The following GSE1 variants were observed in gnomAD, a reference collection of about 807,000 sequenced individuals.
The protein encoded by GSE1 is genetic suppressor element 1.
GSE1 carries 32 observed loss-of-function variants against 112.6 expected under a neutral mutation model. The ratio of observed to expected loss-of-function variants is 0.28; its 90% CI spans 0.21 to 0.38. GSE1 has a LOEUF of 0.38. Among genes scored for constraint, GSE1 ranks in the 10% least tolerant of loss-of-function variants. GSE1 has a pLI of 1.00. For missense variants in GSE1, 2,348 were observed against 1,699.2 expected (o/e 1.38, Z -6.71); for synonymous variants, 1,115 against 735.6 (o/e 1.52, Z -8.35).
At chr16:85,671,968 G>T in intron 15 of GSE1, 1 of 174,308 alleles carries the variant, frequency 5.7e-6, no homozygotes, top group South Asian at 1.1e-4. Context: ...GACTCTGGAA[G>T]AGCCAGGGAC....
At chr16:85,271,528 C>T (rs34234177) in intron 1 of GSE1, among the ~76,000 whole-genome samples, 13,223 of 152,246 alleles carry the variant, frequency 0.087, 688 homozygotes, top group East Asian at 0.26. Flanking sequence ...CCCCAAAGCC[C>T]GAATCATCTG....
At position 85,331,355 on chromosome 16, in the gene GSE1, G is replaced by GTATATATATATATA. The variant is rs1467067903; in HGVS notation, c.2284-26107_2284-26106insATATATATATATAT. On this transcript the variant is annotated intron_variant, in intron 1 of 2. Transcript: ENST00000637419. ...TGTGTGTGTGTGTGTGTGTGTGTGT[G>GTATATATATATATA]TGTGTGTGTGTATATATGTATATAT... is the stretch of plus-strand genomic sequence containing the variant. 4.9e-4 allele frequency among the ~76,000 whole-genome samples: 28 copies of GTATATATATATATA among 57,368 alleles called. 4 individuals carry two copies. The highest frequency in any genetic ancestry group is 1.3e-3 in the African/African-American group (26 of 19,620). 37.6% of individuals were successfully genotyped at this position (57,368 alleles called of 152,430 possible).
intron 2 of GSE1, among the ~76,000 whole-genome samples, chr16:85,428,640 C>A (rs1016899761): frequency 1.3e-5 from 2 of 152,168 alleles, no homozygotes; most frequent in African/African-American, 4.8e-5. Context: ...CCCCTGAGGG[C>A]GGTCCTCTGA....
chr16:85,297,927 G>A (rs184682716), intron 1 of GSE1, among the ~76,000 whole-genome samples: 61 of 152,288 alleles, frequency 4.0e-4, no homozygotes, highest in African/African-American at 1.3e-3. Flanking sequence ...TAGTCCCTGC[G>A]TTCCATATGC....
intron 1 of GSE1, among the ~76,000 whole-genome samples, chr16:85,340,017 C>G (rs1032207911): frequency 6.6e-6 from 1 of 152,222 alleles, no homozygotes; most frequent in Non-Finnish European, 1.5e-5. Flanking sequence ...CCTCTCTCAG[C>G]ACAGCTTTGA....
chr16:85,242,880 T>A (rs1303460102), intron 1 of GSE1, among the ~76,000 whole-genome samples: 2 of 152,208 alleles, frequency 1.3e-5, no homozygotes, highest in African/African-American at 4.8e-5. Context: ...AGTGTGATCA[T>A]GGCTCACTGC....
At chr16:85,356,392 G>T (rs7193776) in intron 1 of GSE1, among the ~76,000 whole-genome samples, 63,887 of 152,202 alleles carry the variant, frequency 0.42, 13,944 homozygotes, top group East Asian at 0.57. Flanking sequence ...AGCACCCGGG[G>T]AGGGACACGG....
At position 85,272,310 on chromosome 16, in the gene GSE1, C is replaced by T. The variant is rs150011985; in HGVS notation, c.2284-85153C>T. Among the ~76,000 whole-genome samples, 1,131 of 152,380 alleles carry T rather than the reference C, an allele frequency of 7.4e-3. 10 individuals are homozygous for T. Among genetic ancestry groups the T allele is most frequent in the African/African-American group, 0.026 (1,074 of 41,582 alleles). The stretch of plus-strand genomic sequence containing the variant: ...CGTTTTTCCATGTCTGAAGGAGCCT[C>T]AGGCCCGCAGAGGTGTCGGGGCCTT... On this transcript the variant is annotated intron_variant, in intron 1 of 2. Transcript: ENST00000637419.
At chr16:85,418,952 C>T (rs1311608434) in intron 2 of GSE1, among the ~76,000 whole-genome samples, 1 of 152,128 alleles carries the variant, frequency 6.6e-6, no homozygotes, top group African/African-American at 2.4e-5. Context: ...TTAGTGTTGC[C>T]AGGAGGAGCA....
At chr16:85,227,891 G>A (rs2075516300) in intron 1 of GSE1, among the ~76,000 whole-genome samples, 2 of 152,210 alleles carry the variant, frequency 1.3e-5, no homozygotes, top group African/African-American at 4.8e-5. Context: ...CTACCTTCAC[G>A]GGGCTCACAC....
At chr16:85,600,007 C>A (rs535890499) in intron 1 of GSE1, among the ~76,000 whole-genome samples, 3 of 152,282 alleles carry the variant, frequency 2.0e-5, no homozygotes, top group Non-Finnish European at 4.4e-5. Flanking sequence ...AAGGTCCCTC[C>A]TGTGTGAGCC....
chr16:85,599,692 C>T (rs1416935727), intron 1 of GSE1, among the ~76,000 whole-genome samples: 1 of 152,210 alleles, frequency 6.6e-6, no homozygotes, highest in Non-Finnish European at 1.5e-5. Flanking sequence ...AGACATTTAT[C>T]ACAGGCCCTA....
intron 1 of GSE1, among the ~76,000 whole-genome samples, chr16:85,330,887 G>C (rs2046325609): frequency 6.6e-6 from 1 of 152,104 alleles, no homozygotes; most frequent in African/African-American, 2.4e-5. Context: ...CTGGAAGTCT[G>C]CTGCTGTGTG....
chr16:85,440,144 C>G (rs1314568111), intron 2 of GSE1, among the ~76,000 whole-genome samples: 1 of 152,178 alleles, frequency 6.6e-6, no homozygotes, highest in Non-Finnish European at 1.5e-5. Flanking sequence ...AAATGTTTGT[C>G]GAGTCAGTGA....
intron 2 of GSE1, among the ~76,000 whole-genome samples, chr16:85,484,563 T>C (rs1248718282): frequency 6.6e-6 from 1 of 152,172 alleles, no homozygotes; most frequent in African/African-American, 2.4e-5. Context: ...GGGGCCACCA[T>C]TGGTGCTTCA....
chr16:85,540,019 C>G (rs1395732948), intron 2 of GSE1, among the ~76,000 whole-genome samples: 1 of 152,184 alleles, frequency 6.6e-6, no homozygotes, highest in East Asian at 1.9e-4. Flanking sequence ...TCGAAGTCAG[C>G]AGGGTTGTTG....
chr16:85,468,234 G>T lies in GSE1; in HGVS notation c.2464+110591G>T, dbSNP rs541072455. Among the ~76,000 whole-genome samples, 3 of 151,938 alleles carry T rather than the reference G, an allele frequency of 2.0e-5. No individual in the cohort carries two copies. In the East Asian group the frequency reaches 5.8e-4, roughly 29 times the overall value. ...GGAATATTCGAGAACCTTGGGCAAGGTATGAAGCTCTCAGAGCCTCAGCCT... is the reference window on the plus strand; with the variant it reads ...GGAATATTCGAGAACCTTGGGCAAGTTATGAAGCTCTCAGAGCCTCAGCCT... On this transcript the variant is annotated intron_variant, in intron 2 of 2. Transcript: ENST00000637419.
chr16:85,417,635 G>A (rs374408164), intron 2 of GSE1, among the ~76,000 whole-genome samples: 1 of 152,362 alleles, frequency 6.6e-6, no homozygotes, highest in Non-Finnish European at 1.5e-5. Context: ...GCTGCCAGAT[G>A]TCCCTGGGTA....
chr16:85,298,170 G>A (rs1269884287), intron 1 of GSE1, among the ~76,000 whole-genome samples: 1 of 152,208 alleles, frequency 6.6e-6, no homozygotes, highest in Non-Finnish European at 1.5e-5. Context: ...GGTGGGGCCT[G>A]GGACTCTGTA....
Sources: allele counts gnomAD v4.1 joint callset (sites outside exome capture counted in the v4.1 genomes callset), GRCh38; gene constraint gnomAD v4.1.1; transcripts MANE v1.5; gene names NCBI Gene and HGNC (gene_info 2026-07-23, HGNC 2026-07-21).